The following RBFOX1 variants were observed in gnomAD, a reference collection of about 807,000 sequenced individuals.
The protein encoded by RBFOX1 is RNA binding protein fox-1 homolog 1.
Under a neutral mutation model 57.7 loss-of-function variants are expected in RBFOX1, and 8 were observed. That is an observed-to-expected ratio of 0.14 (90% CI 0.08 to 0.25). RBFOX1 has a LOEUF of 0.25. Ranked by LOEUF, RBFOX1 falls within the 10% of genes least tolerant of loss-of-function variation. The pLI, the probability that RBFOX1 is intolerant of heterozygous loss-of-function variation, is 1.00. For missense variants in RBFOX1, 611 were observed against 548.5 expected (o/e 1.11, Z -1.14); for synonymous variants, 326 against 222.4 (o/e 1.47, Z -4.15).
At chr16:6,903,242 G>C (rs112526029) in intron 3 of RBFOX1, among the ~76,000 whole-genome samples, 11 of 152,312 alleles carry the variant, frequency 7.2e-5, no homozygotes, top group South Asian at 2.1e-4. Context: ...GCTATTTAGA[G>C]GCCATTGTAG....
intron 2 of RBFOX1, among the ~76,000 whole-genome samples, chr16:6,651,146 C>T (rs1335623684): frequency 6.6e-6 from 1 of 152,192 alleles, no homozygotes; most frequent in Admixed American, 6.5e-5. Flanking sequence ...AGGTGATCCA[C>T]CCGCCTCAGT....
chr16:6,895,418 ATG>A (rs139075559), intron 3 of RBFOX1, among the ~76,000 whole-genome samples: 3,722 of 85,960 alleles, frequency 0.043, 146 homozygotes, highest in African/African-American at 0.062. Context: ...TTAGTAATAT[ATG>A]TGTGTGTGTG....
chr16:6,553,571 T>G (rs1277782329), intron 2 of RBFOX1, among the ~76,000 whole-genome samples: 1 of 152,208 alleles, frequency 6.6e-6, no homozygotes, highest in Non-Finnish European at 1.5e-5. Flanking sequence ...TAATCACATC[T>G]TACTCACCTT....
chr16:5,368,575 C>T (rs1049520901), intron 1 of RBFOX1, among the ~76,000 whole-genome samples: 1 of 152,096 alleles, frequency 6.6e-6, no homozygotes, highest in Non-Finnish European at 1.5e-5. Context: ...CTTTTATTTC[C>T]AATGATTTAA....
rs145605644 is a variant in RBFOX1 at position 7,357,474 on chromosome 16, C to T, written c.28-160673C>T. ...GTTTTTTCCACTTTCTTTGGCCTCA[C>T]CTTTTTGCCCTACAACTGTCCTGCT... On this transcript the variant is annotated intron_variant, in intron 4 of 15. Coordinates refer to ENST00000550418, the MANE Select transcript of RBFOX1 (RefSeq NM_018723.4). Among the ~76,000 whole-genome samples the T allele has an allele frequency of 2.6e-5, 4 of 152,266 alleles. No homozygotes were observed. In the East Asian group the frequency reaches 7.7e-4, roughly 29 times the overall value.
intron 4 of RBFOX1, among the ~76,000 whole-genome samples, chr16:7,387,036 G>A (rs770298578): frequency 3.9e-5 from 6 of 152,164 alleles, no homozygotes; most frequent in Admixed American, 6.5e-5. Context: ...CTCTTGAGAA[G>A]TGTCTGTTCA....
chr16:5,710,153 C>T (rs190561811), intron 3 of RBFOX1, among the ~76,000 whole-genome samples: 123 of 152,036 alleles, frequency 8.1e-4, no homozygotes, highest in African/African-American at 2.8e-3. Flanking sequence ...AATTCCTACT[C>T]AGAGCCATGT....
At chr16:6,678,063 C>G (rs181308047) in intron 3 of RBFOX1, among the ~76,000 whole-genome samples, 106 of 152,256 alleles carry the variant, frequency 7.0e-4, no homozygotes, top group Non-Finnish European at 1.2e-3. Flanking sequence ...CTCATATAAT[C>G]TATTCATCCT....
At chr16:7,484,084 C>T (rs548200147) in intron 4 of RBFOX1, among the ~76,000 whole-genome samples, 1 of 152,128 alleles carries the variant, frequency 6.6e-6, no homozygotes, top group Admixed American at 6.5e-5. Flanking sequence ...TGGAATCATA[C>T]TGTGCAGAGT....
intron 3 of RBFOX1, among the ~76,000 whole-genome samples, chr16:6,693,620 A>T (rs947827626): frequency 2.8e-5 from 4 of 143,730 alleles, no homozygotes; most frequent in African/African-American, 5.2e-5. Flanking sequence ...CATCATCAAC[A>T]CATTTTTATT....
chr16:6,298,927 C>G (rs1190215846), intron 1 of RBFOX1, among the ~76,000 whole-genome samples: 31 of 152,038 alleles, frequency 2.0e-4, no homozygotes, highest in Admixed American at 2.0e-3. Flanking sequence ...GGTTAAGAAC[C>G]CAGAGGGGAG....
chr16:6,489,339 T>A (rs62016827), intron 2 of RBFOX1, among the ~76,000 whole-genome samples: 28,864 of 152,194 alleles, frequency 0.19, 2,757 homozygotes, highest in Middle Eastern at 0.26. Flanking sequence ...TATTTGTTTA[T>A]ATAATATTTT....
chr16:6,292,314 C>G (rs2077553962), intron 1 of RBFOX1, among the ~76,000 whole-genome samples: 1 of 150,684 alleles, frequency 6.6e-6, no homozygotes, highest in South Asian at 2.1e-4. Context: ...CCACATCCAA[C>G]TGTCTGGTGG....
At position 7,126,564 on chromosome 16, in the gene RBFOX1, A is replaced by T. The variant is rs370558917; in HGVS notation, c.27+74466A>T. 2.0e-5 allele frequency: 4 copies of T among 204,704 alleles called. 1 individual carries two copies. In the South Asian group the frequency reaches 3.7e-4, roughly 19 times the overall value. The allele number at this position is 204,704 out of a possible 1,614,324, so 12.7% of individuals were successfully genotyped here. ...TTGTCTTTGGGCACGCGCTGGGCAC[A>T]GTTCGTGCAGCAAATAGGCTGCATG... On this transcript the variant is annotated intron_variant, in intron 4 of 15. Transcript: ENST00000550418.
At chr16:6,541,132 G>T (rs1049480461) in intron 2 of RBFOX1, among the ~76,000 whole-genome samples, 3 of 152,190 alleles carry the variant, frequency 2.0e-5, no homozygotes, top group Non-Finnish European at 4.4e-5. Context: ...AATAACCTGA[G>T]TGTTCACAGT....
chr16:5,679,064 C>G (rs1410667649), intron 3 of RBFOX1, among the ~76,000 whole-genome samples: 2 of 152,176 alleles, frequency 1.3e-5, no homozygotes, highest in Non-Finnish European at 2.9e-5. Flanking sequence ...TTTTATGAAA[C>G]CTGCATCTCA....
At chr16:7,670,843 T>C (rs1424146507) in intron 13 of RBFOX1, among the ~76,000 whole-genome samples, 2 of 152,214 alleles carry the variant, frequency 1.3e-5, no homozygotes, top group African/African-American at 4.8e-5. Context: ...ATCTTGACCA[T>C]GAATGACTCT....
In RBFOX1 at chr16:7,483,289, C is replaced by G. The variant is rs76626118; in HGVS notation, c.28-34858C>G. Among the ~76,000 whole-genome samples the G allele has an allele frequency of 4.6e-5, 7 of 152,264 alleles. No individual in the cohort carries two copies. The South Asian group carries it at 6.2e-4, about 14-fold the overall frequency. On this transcript the variant is annotated intron_variant, in intron 4 of 15. Coordinates refer to ENST00000550418, the MANE Select transcript of RBFOX1 (RefSeq NM_018723.4). Reference sequence around the variant, plus strand: ...ATCGTTGCAATACTTGGGTTCTTGACGAAGAGCGTTGGCTTCACAATCTGG... The same window carrying G: ...ATCGTTGCAATACTTGGGTTCTTGAGGAAGAGCGTTGGCTTCACAATCTGG...
chr16:6,624,575 C>T (rs2098277883), intron 2 of RBFOX1, among the ~76,000 whole-genome samples: 1 of 152,104 alleles, frequency 6.6e-6, no homozygotes, highest in Non-Finnish European at 1.5e-5. Context: ...CTTTCCTTCA[C>T]ATGATTTTTG....
Sources: gnomAD v4.1 joint callset for allele counts (sites outside exome capture counted in the v4.1 genomes callset) on GRCh38, gnomAD v4.1.1 for gene constraint, MANE v1.5 for transcripts, NCBI Gene and HGNC (gene_info 2026-07-23, HGNC 2026-07-21) for gene names.